Variants in YTHDF2 observed in about 807,000 individuals in gnomAD.
The protein encoded by YTHDF2 is YTH N6-methyladenosine RNA binding protein F2.
In YTHDF2, 2 loss-of-function variants were observed where a neutral mutation model predicts 50.4. The ratio of observed to expected loss-of-function variants is 0.04; its 90% confidence interval spans 0.02 to 0.12. The LOEUF is 0.12. YTHDF2 is among the 10% of genes least tolerant of loss of function. YTHDF2 has a pLI of 1.00. For missense variants in YTHDF2, 483 were observed against 722.6 expected (o/e 0.67, Z 3.80); for synonymous variants, 217 against 255.6 (o/e 0.85, Z 1.44).
At chr1:28,740,221 A>G (rs1237403519) in intron 3 of YTHDF2, 2 of 152,210 alleles carry the variant, frequency 1.3e-5, no homozygotes, top group African/African-American at 4.8e-5. Context: ...TTACATAATC[A>G]TTATAACAGG....
chr1:28,766,476 A>G (rs145606157), intron 4 of YTHDF2, among the ~76,000 whole-genome samples: 214 of 152,228 alleles, frequency 1.4e-3, no homozygotes, highest in African/African-American at 4.9e-3. Flanking sequence ...GTGAGGTTGT[A>G]TCCTTCTCAG....
intron 4 of YTHDF2, among the ~76,000 whole-genome samples, chr1:28,764,534 A>G (rs577909624): frequency 2.6e-4 from 39 of 151,710 alleles, no homozygotes; most frequent in Admixed American, 3.9e-4. Flanking sequence ...CGGCCTCTCA[A>G]AGTGCTGGGA....
chr1:28,747,925 A>G (rs12740448), intron 4 of YTHDF2, among the ~76,000 whole-genome samples: 2 of 151,140 alleles, frequency 1.3e-5, no homozygotes, highest in African/African-American at 4.9e-5. Context: ...GGAGATCAAG[A>G]CCATCCTGGC....
intron 4 of YTHDF2, among the ~76,000 whole-genome samples, chr1:28,756,989 G>A (rs1393401534): frequency 2.0e-5 from 3 of 152,162 alleles, no homozygotes; most frequent in East Asian, 3.8e-4. Flanking sequence ...AGCTCAGATC[G>A]TTGCTTCTTT....
intron 3 of YTHDF2, among the ~76,000 whole-genome samples, chr1:28,739,463 A>AT (rs917540359): frequency 2.6e-5 from 4 of 151,608 alleles, no homozygotes; most frequent in Non-Finnish European, 5.9e-5. Context: ...TGCCCGGCTA[A>AT]TTTTTTTAAT....
At chr1:28,765,840 C>G (rs2088207640) in intron 4 of YTHDF2, among the ~76,000 whole-genome samples, 1 of 152,148 alleles carries the variant, frequency 6.6e-6, no homozygotes, top group Non-Finnish European at 1.5e-5. Context: ...TAATGTTTTC[C>G]TGAGCCAGAG....
At chr1:28,758,010 A>G (rs2088060824) in intron 4 of YTHDF2, among the ~76,000 whole-genome samples, 1 of 152,184 alleles carries the variant, frequency 6.6e-6, no homozygotes, top group African/African-American at 2.4e-5. Context: ...CTGAGATTGA[A>G]TAAGGAAAAA....
chr1:28,742,336 G>A (rs995007383), intron 3 of YTHDF2, 67 bp from the exon 4 acceptor site: 4 of 1,509,752 alleles, frequency 2.6e-6, no homozygotes, highest in Admixed American at 2.3e-5. Flanking sequence ...GCGTGACTAG[G>A]TGGGGGGAGG....
chr1:28,758,226 TGTG>T (rs528457006), intron 4 of YTHDF2, among the ~76,000 whole-genome samples: 72 of 152,130 alleles, frequency 4.7e-4, no homozygotes, highest in African/African-American at 1.7e-3. Flanking sequence ...ATTAGCCAGG[TGTG>T]GTGGCGTGCA....
Position 28,742,999 on chromosome 1 carries a change from T to C in YTHDF2, c.729T>C (p.Ala243=). Residue 243 remains alanine, a synonymous_variant, in exon 4 of 5, where the codon GCT becomes GCC. Coordinates refer to ENST00000373812, the MANE Select transcript of YTHDF2 (RefSeq NM_016258.3). ...AACCAGCATCTTGGGCTGATATTGC[T>C]AGCAAGCCTGCAAAACAGCAACCTA... ...PPKPASWADI[A]SKPAKQQPKL... is the part of the protein sequence containing the mutation. 6.2e-7 allele frequency: 1 copy of C among 1,614,164 alleles called. No individual in the cohort carries two copies. The highest frequency in any genetic ancestry group is 8.5e-7 in the Non-Finnish European group (1 of 1,180,022).
intron 1 of YTHDF2, 61 bp downstream of exon 1, chr1:28,737,208 C>G: frequency 1.3e-6 from 2 of 1,485,054 alleles, no homozygotes; most frequent in Non-Finnish European, 1.8e-6. Context: ...CCGACTAGGC[C>G]CGGGCCCGCC....
At chr1:28,744,171 CATT>C (rs2087821236) in intron 4 of YTHDF2, among the ~76,000 whole-genome samples, 185 bp downstream of exon 4, 1 of 152,034 alleles carries the variant, frequency 6.6e-6, no homozygotes, top group South Asian at 2.1e-4. Flanking sequence ...AATGTGAGAA[CATT>C]AGTAGAGGAC....
intron 3 of YTHDF2, among the ~76,000 whole-genome samples, chr1:28,740,031 G>C (rs1291964986): frequency 6.6e-6 from 1 of 152,204 alleles, no homozygotes; most frequent in Non-Finnish European, 1.5e-5. Context: ...ATATGGATCT[G>C]ATTATCACAT....
At chr1:28,748,023 G>A (rs921832082) in intron 4 of YTHDF2, among the ~76,000 whole-genome samples, 3 of 149,588 alleles carry the variant, frequency 2.0e-5, no homozygotes, top group Non-Finnish European at 4.5e-5. Flanking sequence ...AGCTACTCGG[G>A]AGGCTGAGGC....
intron 4 of YTHDF2, among the ~76,000 whole-genome samples, chr1:28,757,852 C>T (rs1483155871): frequency 6.6e-6 from 1 of 152,070 alleles, no homozygotes. Flanking sequence ...GTGTTCATTT[C>T]ATCCTCTTTT....
chr1:28,760,600 C>T (rs112918917), intron 4 of YTHDF2, among the ~76,000 whole-genome samples: 11 of 151,456 alleles, frequency 7.3e-5, no homozygotes, highest in African/African-American at 2.4e-4. Context: ...TTTTTTGAGA[C>T]AGAATCTCAC....
chr1:28,766,238 C>T (rs2088213598), intron 4 of YTHDF2, among the ~76,000 whole-genome samples: 1 of 149,916 alleles, frequency 6.7e-6, no homozygotes, highest in Admixed American at 6.7e-5. Context: ...ACTACAGGTG[C>T]ATGCCACCAC....
intron 4 of YTHDF2, among the ~76,000 whole-genome samples, chr1:28,767,976 GCAGAT>G (rs1286460849): frequency 6.6e-6 from 1 of 150,628 alleles, no homozygotes; most frequent in African/African-American, 2.4e-5. Flanking sequence ...GCTGAGTCGA[GCAGAT>G]CACAAGGTCA....
In YTHDF2 at chr1:28,748,921, C is replaced by T. The variant is rs568252601; in HGVS notation, c.1716+4935C>T. On this transcript the variant is annotated intron_variant, in intron 4 of 4. Coordinates refer to ENST00000373812, the MANE Select transcript of YTHDF2 (RefSeq NM_016258.3). ...TTTTTCTAATTAAAATAACACTACA[C>T]TGAACATCCTTTTGTATAAATATTT... 4.6e-5 allele frequency among the ~76,000 whole-genome samples: 7 copies of T among 152,280 alleles called. No homozygotes were observed. The East Asian group carries it at 1.3e-3, about 29-fold the overall frequency.
Sources: gnomAD v4.1 joint callset for allele counts (sites outside exome capture counted in the v4.1 genomes callset) on GRCh38, gnomAD v4.1.1 for gene constraint, MANE v1.5 for transcripts, NCBI Gene and HGNC (gene_info 2026-07-23, HGNC 2026-07-21) for gene names.